DTNB: variants seen among roughly 807,000 people sequenced by gnomAD.
DTNB encodes the protein dystrobrevin beta, also known as DTN-B.
Under a neutral mutation model 90.7 loss-of-function variants are expected in DTNB, and 63 were observed. That is an observed-to-expected ratio of 0.69 (90% CI 0.57 to 0.86). The LOEUF (loss-of-function observed/expected upper bound fraction) is 0.86. DTNB is among the 40% of genes least tolerant of loss of function. The pLI is 0.00. For missense variants in DTNB, 744 were observed against 807.1 expected, an observed-to-expected ratio of 0.92 and a Z score of 0.95; for synonymous variants, 277 against 286.7, an observed-to-expected ratio of 0.97 and a Z score of 0.34.
intron 9 of DTNB, among the ~76,000 whole-genome samples, chr2:25,491,193 A>G (rs1265360281): frequency 6.6e-6 from 1 of 151,862 alleles, no homozygotes; most frequent in African/African-American, 2.4e-5. Flanking sequence ...AGGGAGGAAG[A>G]GGCAGGGGGA....
chr2:25,580,853 C>G (rs758029216), intron 6 of DTNB, 27 bp from the exon 7 acceptor site: 27 of 1,584,080 alleles, frequency 1.7e-5, no homozygotes, highest in Non-Finnish European at 2.1e-5. Context: ...AACAAACATA[C>G]TTTAAGTTTT....
At chr2:25,383,224 T>C (rs1183034951) in intron 19 of DTNB, among the ~76,000 whole-genome samples, 1 of 150,810 alleles carries the variant, frequency 6.6e-6, no homozygotes, top group Non-Finnish European at 1.5e-5. Flanking sequence ...TTTTTTTTTT[T>C]TTTTTTTGGA....
At chr2:25,658,746 T>C (rs941175753) in intron 1 of DTNB, among the ~76,000 whole-genome samples, 3 of 152,168 alleles carry the variant, frequency 2.0e-5, no homozygotes, top group African/African-American at 4.8e-5. Flanking sequence ...TGATCAGTGG[T>C]TGCCAGAGTT....
chr2:25,425,677 A>G (rs1399059440), intron 15 of DTNB, among the ~76,000 whole-genome samples: 3 of 152,226 alleles, frequency 2.0e-5, no homozygotes, highest in Admixed American at 6.5e-5. Context: ...GGGGCACTCC[A>G]CACTTTGTGA....
In DTNB at chr2:25,540,465, G is replaced by A. The variant is rs529181638; in HGVS notation, c.877-8868C>T. On this transcript the variant is annotated intron_variant, in intron 8 of 20. Transcript: ENST00000406818. Reference sequence around the variant, plus strand: ...CATACATAGCATAAAATTCACCATCGCAATCATTTTATTATTATTATTATT... The same window carrying A: ...CATACATAGCATAAAATTCACCATCACAATCATTTTATTATTATTATTATT... 4.6e-5 allele frequency among the ~76,000 whole-genome samples: 7 copies of A among 151,768 alleles called. No homozygotes were observed. In the East Asian group the frequency reaches 9.7e-4, roughly 21 times the overall value.
chr2:25,589,582 C>T (rs868090763), intron 6 of DTNB, among the ~76,000 whole-genome samples: 1 of 151,674 alleles, frequency 6.6e-6, no homozygotes, highest in Non-Finnish European at 1.5e-5. Flanking sequence ...GGTTTCACCA[C>T]GTCGGCCAGG....
chr2:25,653,189 C>T lies in DTNB; in HGVS notation c.-1-528G>A, dbSNP rs189273946. On this transcript the variant is annotated intron_variant, in intron 1 of 20. Coordinates refer to ENST00000406818, the MANE Select transcript of DTNB (RefSeq NM_021907.5). Reference sequence around the variant, plus strand: ...CAATTCTCAACTTGAATTGTATCTCCCAGAATGTCCATGTGTTGTGGGAGA... The same window carrying T: ...CAATTCTCAACTTGAATTGTATCTCTCAGAATGTCCATGTGTTGTGGGAGA... The T allele has an allele frequency of 2.0e-5, 3 of 152,278 alleles. No homozygotes were observed. The East Asian group carries it at 5.8e-4, about 29-fold the overall frequency. 9.4% of individuals were successfully genotyped at this position (152,278 alleles called of 1,614,324 possible).
chr2:25,530,126 C>A (rs534089904), intron 9 of DTNB, among the ~76,000 whole-genome samples: 18 of 152,112 alleles, frequency 1.2e-4, no homozygotes, highest in African/African-American at 4.1e-4. Flanking sequence ...CATTACACCA[C>A]AAAAGTAAGT....
chr2:25,499,412 TGG>T (rs974320894), intron 9 of DTNB, among the ~76,000 whole-genome samples: 2 of 152,128 alleles, frequency 1.3e-5, no homozygotes, highest in African/African-American at 4.8e-5. Flanking sequence ...TGCTGTGCTC[TGG>T]GGATCTGAGG....
chr2:25,590,543 A>G (rs970596813), intron 6 of DTNB, among the ~76,000 whole-genome samples: 1 of 152,032 alleles, frequency 6.6e-6, no homozygotes, highest in African/African-American at 2.4e-5. Context: ...AGCTCTCAGC[A>G]GAGAGAAGAC....
At chr2:25,458,838 G>T (rs2060477889) in intron 10 of DTNB, among the ~76,000 whole-genome samples, 1 of 152,038 alleles carries the variant, frequency 6.6e-6, no homozygotes, top group East Asian at 1.9e-4. Context: ...GTAGAGACGG[G>T]GTTTCACCGT....
intron 9 of DTNB, among the ~76,000 whole-genome samples, chr2:25,485,212 T>G (rs933806044): frequency 6.6e-6 from 1 of 152,210 alleles, no homozygotes; most frequent in Non-Finnish European, 1.5e-5. Context: ...TCTCACTATG[T>G]TGCCTAGGCT....
intron 8 of DTNB, among the ~76,000 whole-genome samples, chr2:25,550,916 C>G (rs535036760): frequency 2.5e-4 from 38 of 152,324 alleles, no homozygotes; most frequent in African/African-American, 8.9e-4. Context: ...TCCCAAAGTG[C>G]TGGGATTATA....
At chr2:25,575,044 C>T (rs1260530133) in intron 8 of DTNB, among the ~76,000 whole-genome samples, 1 of 152,096 alleles carries the variant, frequency 6.6e-6, no homozygotes, top group African/African-American at 2.4e-5. Flanking sequence ...AAATACAAAA[C>T]CCCCATTTTT....
At chr2:25,377,758 T>C (rs764247620) in intron 20 of DTNB, among the ~76,000 whole-genome samples, 2 of 152,122 alleles carry the variant, frequency 1.3e-5, no homozygotes, top group Non-Finnish European at 2.9e-5. Context: ...GAAGAAAGAA[T>C]TGGGTTCACA....
At chr2:25,463,903 T>C (rs970833906) in intron 10 of DTNB, among the ~76,000 whole-genome samples, 1 of 152,190 alleles carries the variant, frequency 6.6e-6, no homozygotes, top group African/African-American at 2.4e-5. Flanking sequence ...ACTGATTTCT[T>C]TTATTTTTTC....
At chr2:25,437,508 C>T (rs1446128526) in intron 12 of DTNB, among the ~76,000 whole-genome samples, 3 of 152,156 alleles carry the variant, frequency 2.0e-5, no homozygotes, top group African/African-American at 7.2e-5. Flanking sequence ...GTGATCTGCT[C>T]ACCTCGGCCT....
At chr2:25,447,294 T>C (rs909095482) in intron 12 of DTNB, among the ~76,000 whole-genome samples, 4 of 152,232 alleles carry the variant, frequency 2.6e-5, no homozygotes, top group African/African-American at 4.8e-5. Flanking sequence ...CAGAAATTTA[T>C]ACTGTGCTGC....
At chr2:25,481,259 G>A (rs1313402594) in intron 10 of DTNB, among the ~76,000 whole-genome samples, 3 of 151,798 alleles carry the variant, frequency 2.0e-5, no homozygotes, top group African/African-American at 7.3e-5. Context: ...ACAAAAATTA[G>A]CTAGGTATGG....
Sources: gnomAD v4.1 joint callset for allele counts (sites outside exome capture counted in the v4.1 genomes callset) on GRCh38, gnomAD v4.1.1 for gene constraint, MANE v1.5 for transcripts, NCBI Gene and HGNC (gene_info 2026-07-23, HGNC 2026-07-21) for gene names.